Variants in IGDCC4 observed in about 807,000 individuals in gnomAD.
The protein encoded by IGDCC4 is immunoglobulin superfamily DCC subclass member 4.
In IGDCC4, 72 loss-of-function variants were observed where a neutral mutation model predicts 116.6. The observed-to-expected ratio is 0.62, with a 90% confidence interval of 0.51 to 0.75. IGDCC4 has a LOEUF of 0.75. Ranked by LOEUF, IGDCC4 falls within the 30% of genes least tolerant of loss-of-function variation. The probability of loss-of-function intolerance (pLI) is 0.00; values close to 1 mark genes in which losing one functional copy is unlikely to be tolerated. For synonymous variants in IGDCC4, 709 were observed against 719.9 expected, an observed-to-expected ratio of 0.98 and a Z score of 0.24; for missense variants, 1,501 against 1,662.4, an observed-to-expected ratio of 0.90 and a Z score of 1.69.
In IGDCC4 at chr15:65,410,163, C is replaced by G; in HGVS notation, c.563+15G>C. ...GCCCTGCCTACCAGGACCCGCTCCC[C>G]TACAGGGCACTCACCGAGGCTCCTC... On this transcript the variant is annotated intron_variant, in intron 3 of 19. Transcript: ENST00000352385. The G allele has an allele frequency of 6.2e-7, 1 of 1,611,886 alleles. No homozygotes were observed. The highest frequency in any genetic ancestry group is 1.1e-5 in the South Asian group (1 of 91,006).
In IGDCC4 at chr15:65,410,295, G is replaced by A. The variant is rs1259073854; in HGVS notation, c.446C>T (p.Pro149Leu). ...LATLADFSLH[P>L]ESQTVEENGT... ...GTTCTCCTCCACCGTCTGAGACTCC[G>A]GGTGCAGAGAGAAGTCTGCGAGTGC... The change falls in exon 3 of 20, where the codon CCG (proline) becomes CTG (leucine). Residue 149 changes from proline (P) to leucine (L), a missense_variant. Physicochemically the swap from Pro to Leu is moderately conservative, Grantham distance 98. Transcript: ENST00000352385. 3.7e-6 allele frequency: 6 copies of A among 1,613,926 alleles called. No individual in the cohort carries two copies. The highest frequency in any genetic ancestry group is 1.6e-4 in the Middle Eastern group (1 of 6,070).
chr15:65,416,080 T>C (rs1232406590), intron 1 of IGDCC4, among the ~76,000 whole-genome samples: 1 of 149,602 alleles, frequency 6.7e-6, no homozygotes, highest in East Asian at 2.0e-4. Context: ...CCAAATTCTC[T>C]CAACAGCAGA....
At chr15:65,386,122 T>G in intron 17 of IGDCC4, 63 bp from the exon 18 acceptor site, 1 of 1,069,072 alleles carries the variant, frequency 9.4e-7, no homozygotes, top group Non-Finnish European at 1.3e-6. Context: ...GGGGCTGGGA[T>G]CTGGTCCAGC....
At chr15:65,407,640 G>A (rs2063052312) in intron 3 of IGDCC4, among the ~76,000 whole-genome samples, 1 of 151,294 alleles carries the variant, frequency 6.6e-6, no homozygotes, top group Non-Finnish European at 1.5e-5. Context: ...ACTGCACCTG[G>A]CCTAAGTTTT....
rs149734137 is a variant in IGDCC4, at chr15:65,402,123, G to A, written c.700+228C>T. 2.3e-4 allele frequency among the ~76,000 whole-genome samples: 35 copies of A among 152,360 alleles called. No homozygotes were observed. In the East Asian group the frequency reaches 4.2e-3, roughly 18 times the overall value. ...AGGGCACACAGGCTCTGCATGAAGAGAGGAGCCCTGCCCTTGGAGTCTGGG... is the reference window on the plus strand; with the variant it reads ...AGGGCACACAGGCTCTGCATGAAGAAAGGAGCCCTGCCCTTGGAGTCTGGG... On this transcript the variant is annotated intron_variant, in intron 4 of 19. Coordinates refer to ENST00000352385, the MANE Select transcript of IGDCC4 (RefSeq NM_020962.3).
chr15:65,398,606 C>A (rs548391771), intron 5 of IGDCC4, among the ~76,000 whole-genome samples: 16 of 150,198 alleles, frequency 1.1e-4, no homozygotes, highest in Admixed American at 1.1e-3. Context: ...AGGCCGGGAG[C>A]GGTGGCTCCT....
At chr15:65,408,649 C>G (rs568634518) in intron 3 of IGDCC4, among the ~76,000 whole-genome samples, 31 of 152,292 alleles carry the variant, frequency 2.0e-4, no homozygotes, top group African/African-American at 7.2e-4. Context: ...TAGAATACTT[C>G]ATTCAAGAAG....
In IGDCC4 at chr15:65,383,551, CAGG is replaced by C. The variant is rs2091421676; in HGVS notation, c.*455_*457del. The C allele has an allele frequency of 6.5e-6, 1 of 154,330 alleles. No homozygotes were observed. The highest frequency in any genetic ancestry group is 1.4e-5 in the Non-Finnish European group (1 of 69,630). The allele number at this position is 154,330 out of a possible 1,614,324, so 9.6% of individuals were successfully genotyped here. ...CCTGCTTGCACCCAACCCAGCCAGA[CAGG>C]AGAATGGGCTGGGACTGTCTTTGTC... On this transcript the variant is annotated 3_prime_UTR_variant, in exon 20 of 20. Coordinates refer to ENST00000352385, the MANE Select transcript of IGDCC4 (RefSeq NM_020962.3).
In IGDCC4 at chr15:65,422,814, A is replaced by T; in HGVS notation, c.49T>A (p.Phe17Ile). ...TTACCGCGCGCGGCCAACAGGCAGA[A>T]GGTCAACGCGAGGAGCCCGCGGCCG... ...GRGRGLLALTFCLLAARGELL... is the reference protein window; with the variant it reads ...GRGRGLLALTICLLAARGELL... Residue 17 changes from phenylalanine to isoleucine, a missense_variant, in exon 1 of 20, where the codon TTC becomes ATC. Phe to Ile is a conservative substitution (Grantham distance 21). Transcript: ENST00000352385. 1 of 1,286,046 alleles carries T rather than the reference A, an allele frequency of 7.8e-7. No homozygotes were observed. Among genetic ancestry groups the T allele is most frequent in the Non-Finnish European group, 9.8e-7 (1 of 1,015,530 alleles). 79.7% of individuals were successfully genotyped at this position (1,286,046 alleles called of 1,614,324 possible).
In IGDCC4 at chr15:65,410,268, C is replaced by T. The variant is rs1296678667; in HGVS notation, c.473G>A (p.Gly158Glu). 3.1e-6 allele frequency: 5 copies of T among 1,614,014 alleles called. No individual in the cohort carries two copies. The highest frequency in any genetic ancestry group is 4.5e-5 in the East Asian group (2 of 44,868). ...AATGTGGCACTCAAAGCGAGCTGTC[C>T]CGTTCTCCTCCACCGTCTGAGACTC... ...HPESQTVEEN[G>E]TARFECHIEG... is the part of the protein sequence containing the mutation. Residue 158 changes from glycine (G) to glutamate (E), a missense_variant, in exon 3 of 20, where the codon GGG becomes GAG. Coordinates refer to ENST00000352385, the MANE Select transcript of IGDCC4 (RefSeq NM_020962.3).
chr15:65,405,360 T>A (rs1196423477), intron 3 of IGDCC4, among the ~76,000 whole-genome samples: 2 of 152,016 alleles, frequency 1.3e-5, no homozygotes, highest in Non-Finnish European at 2.9e-5. Context: ...TAAAAATTTT[T>A]AAATGTAAAT....
chr15:65,413,057 T>TGA (rs2063113304), intron 1 of IGDCC4, among the ~76,000 whole-genome samples: 1 of 146,492 alleles, frequency 6.8e-6, no homozygotes, highest in African/African-American at 2.6e-5. Context: ...TGTGTGTGTG[T>TGA]GTGAATACTA....
intron 1 of IGDCC4, among the ~76,000 whole-genome samples, chr15:65,415,818 GC>G (rs1429409636): frequency 6.6e-6 from 1 of 152,128 alleles, no homozygotes; most frequent in Non-Finnish European, 1.5e-5. Context: ...TCACGTGCCA[GC>G]CCTTCTGTGA....
chr15:65,403,838 G>A (rs1203390255), intron 3 of IGDCC4, among the ~76,000 whole-genome samples: 2 of 152,164 alleles, frequency 1.3e-5, no homozygotes, highest in African/African-American at 2.4e-5. Context: ...CTTGAGAAAC[G>A]ATGTAATCTG....
Position 65,386,048 on chromosome 15 carries a change from G to A in IGDCC4, c.2963C>T (p.Pro988Leu). The A allele has an allele frequency of 1.3e-6, 2 of 1,517,904 alleles. No homozygotes were observed. Among genetic ancestry groups the A allele is most frequent in the South Asian group, 2.5e-5 (2 of 78,630 alleles). The allele number at this position is 1,517,904 out of a possible 1,614,324, so 94.0% of individuals were successfully genotyped here. The change falls in exon 18 of 20, where the codon CCA becomes CTA. Residue 988 changes from proline (P) to leucine (L), a missense_variant. Pro to Leu is a moderately conservative substitution (Grantham distance 98, BLOSUM62 -3). Transcript: ENST00000352385. ...LRRSPHRESL[P>L]GLSSTATPGN... is the part of the protein sequence containing the mutation. ...GGGGGTGGCGGTGGAGGACAGGCCT[G>A]GGAGGGATTCCCTGGAAGGGAAGAC...
intron 11 of IGDCC4, 47 bp downstream of exon 11, chr15:65,392,087 C>CT (rs1275544796): frequency 6.5e-7 from 1 of 1,527,066 alleles, no homozygotes; most frequent in Admixed American, 1.8e-5. Flanking sequence ...TGCCCAGTCC[C>CT]CACTGAAGCT....
chr15:65,414,824 T>A (rs1400861534), intron 1 of IGDCC4, among the ~76,000 whole-genome samples: 1 of 152,186 alleles, frequency 6.6e-6, no homozygotes, highest in African/African-American at 2.4e-5. Context: ...GTATTCTTAG[T>A]AGAGACAGGG....
intron 5 of IGDCC4, among the ~76,000 whole-genome samples, chr15:65,397,665 A>AT (rs1235114286): frequency 2.8e-5 from 4 of 140,946 alleles, no homozygotes; most frequent in Non-Finnish European, 4.7e-5. Context: ...CTCCGTCTCT[A>AT]TAAAAAAAAA....
intron 1 of IGDCC4, among the ~76,000 whole-genome samples, chr15:65,415,967 C>T (rs1484823180): frequency 3.9e-5 from 6 of 152,074 alleles, no homozygotes; most frequent in African/African-American, 4.8e-5. Context: ...GTTCTAAGTC[C>T]AGTCATTCAT....
Sources: allele counts gnomAD v4.1 joint callset (sites outside exome capture counted in the v4.1 genomes callset), GRCh38; gene constraint gnomAD v4.1.1; transcripts MANE v1.5; gene names NCBI Gene and HGNC (gene_info 2026-07-23, HGNC 2026-07-21).